UBR2: variants seen among roughly 807,000 people sequenced by gnomAD.
UBR2 encodes the protein E3 ubiquitin-protein ligase UBR2.
A neutral mutation model predicts 247.9 loss-of-function variants in UBR2; 92 were observed. The observed-to-expected ratio is 0.37, with a 90% CI of 0.31 to 0.44. UBR2 has a LOEUF of 0.44. UBR2 is among the 20% of genes least tolerant of loss of function. The pLI, the probability that UBR2 is intolerant of heterozygous loss-of-function variation, is 1.00. For synonymous variants in UBR2, 672 were observed against 693.5 expected (o/e 0.97, Z 0.49); for missense variants, 1,613 against 2,112.6 (o/e 0.76, Z 4.64).
chr6:42,652,423 A>G, intron 24 of UBR2, 68 bp from the exon 25 acceptor site: 1 of 1,483,884 alleles, frequency 6.7e-7, no homozygotes, highest in Non-Finnish European at 9.1e-7. Context: ...AACTATCAAA[A>G]GTAACAAAGA....
chr6:42,606,613 G>C lies in UBR2; in HGVS notation c.826G>C (p.Asp276His), dbSNP rs764061601. Residue 276 changes from aspartate to histidine, a missense_variant, in exon 7 of 47, where the codon GAT becomes CAT. Transcript: ENST00000372901. ...RDGRRSVRYG[D>H]FQYCEQAKSV... is the part of the protein sequence containing the mutation. The stretch of plus-strand genomic sequence containing the variant: ...GGGGCGTAGGTCTGTTCGATATGGA[G>C]ATTTTCAGTATTGTGAGCAAGCAAA... 1 of 1,609,134 alleles carries C rather than the reference G, an allele frequency of 6.2e-7. No individual in the cohort carries two copies. The highest frequency in any genetic ancestry group is 1.7e-5 in the Admixed American group (1 of 59,262).
intron 2 of UBR2, among the ~76,000 whole-genome samples, chr6:42,577,525 T>C (rs1791601904): frequency 6.8e-6 from 1 of 147,188 alleles, no homozygotes; most frequent in Non-Finnish European, 1.5e-5. Flanking sequence ...CGTTATTAAA[T>C]AGAAATGGTT....
intron 23 of UBR2, among the ~76,000 whole-genome samples, chr6:42,651,222 C>CAA (rs78106945): frequency 2.7e-5 from 3 of 111,680 alleles, no homozygotes; most frequent in Non-Finnish European, 3.8e-5. Context: ...GACCGTATCT[C>CAA]AAAAAAAAAA....
At chr6:42,571,339 C>A (rs991463318) in intron 1 of UBR2, among the ~76,000 whole-genome samples, 1 of 146,748 alleles carries the variant, frequency 6.8e-6, no homozygotes, top group South Asian at 2.2e-4. Flanking sequence ...GGAATGGGAA[C>A]ATAAAATATA....
chr6:42,679,716 A>G lies in UBR2; in HGVS notation c.4610-8A>G. The G allele has an allele frequency of 6.3e-7, 1 of 1,598,734 alleles. No individual in the cohort carries two copies. Among genetic ancestry groups the G allele is most frequent in the Non-Finnish European group, 8.6e-7 (1 of 1,166,878 alleles). On this transcript the variant is annotated splice_region_variant and splice_polypyrimidine_tract_variant and intron_variant, in intron 41 of 46. Coordinates refer to ENST00000372901, the MANE Select transcript of UBR2 (RefSeq NM_001363705.2). Reference sequence around the variant, plus strand: ...TATATGCACTCTTTTCTTGTTCTTCATTTGCAGTTCCTGGAACAAGCCATT... The same window carrying G: ...TATATGCACTCTTTTCTTGTTCTTCGTTTGCAGTTCCTGGAACAAGCCATT...
chr6:42,637,224 A>C (rs766490792), intron 15 of UBR2, 30 bp downstream of exon 15: 1 of 1,589,546 alleles, frequency 6.3e-7, no homozygotes, highest in Non-Finnish European at 8.6e-7. Context: ...ATAAAACCCT[A>C]AAATTATCTT....
intron 44 of UBR2, among the ~76,000 whole-genome samples, chr6:42,685,925 C>T (rs984182403): frequency 1.3e-5 from 2 of 151,952 alleles, no homozygotes; most frequent in African/African-American, 4.8e-5. Flanking sequence ...ATTACCTAGA[C>T]AGTTGAAGCT....
intron 21 of UBR2, among the ~76,000 whole-genome samples, chr6:42,646,046 A>G (rs1405228575): frequency 6.6e-6 from 1 of 152,162 alleles, no homozygotes; most frequent in Non-Finnish European, 1.5e-5. Context: ...CTTAATGACG[A>G]GCCCTTGTTT....
intron 31 of UBR2, 74 bp from the exon 32 acceptor site, chr6:42,663,184 A>C: frequency 8.2e-7 from 1 of 1,224,596 alleles, no homozygotes; most frequent in Non-Finnish European, 1.1e-6. Flanking sequence ...AAATTATTTT[A>C]AATGTTGAAG....
At chr6:42,630,096 A>G (rs1487944089) in intron 11 of UBR2, among the ~76,000 whole-genome samples, 1 of 151,606 alleles carries the variant, frequency 6.6e-6, no homozygotes, top group Non-Finnish European at 1.5e-5. Context: ...GTAATGAACC[A>G]TCGTAGTAGT....
At chr6:42,653,225 C>T (rs1387324719) in intron 25 of UBR2, among the ~76,000 whole-genome samples, 1 of 152,116 alleles carries the variant, frequency 6.6e-6, no homozygotes, top group Non-Finnish European at 1.5e-5. Flanking sequence ...CCTGGGATTA[C>T]AGGCATGCAT....
chr6:42,591,627 T>C (rs1792670006), intron 2 of UBR2, among the ~76,000 whole-genome samples: 3 of 152,188 alleles, frequency 2.0e-5, no homozygotes, highest in African/African-American at 7.2e-5. Flanking sequence ...CTATAGAAGG[T>C]TTAATTTCCC....
chr6:42,638,578 G>T (rs1005611640), intron 15 of UBR2, among the ~76,000 whole-genome samples: 39 of 152,098 alleles, frequency 2.6e-4, no homozygotes, highest in African/African-American at 8.7e-4. Flanking sequence ...TCTATAACTT[G>T]TTCAGGCCCA....
chr6:42,651,019 C>T (rs770949801), intron 23 of UBR2, among the ~76,000 whole-genome samples: 2 of 151,866 alleles, frequency 1.3e-5, no homozygotes, highest in Non-Finnish European at 2.9e-5. Context: ...CTCAGGAGTT[C>T]GAGATCAGCC....
chr6:42,599,571 T>A (rs1793222253), intron 4 of UBR2, among the ~76,000 whole-genome samples: 1 of 152,198 alleles, frequency 6.6e-6, no homozygotes, highest in Non-Finnish European at 1.5e-5. Flanking sequence ...TAAAAAGCAT[T>A]TTTAGCAGAA....
rs946463604 is a variant in UBR2 at position 42,679,792 on chromosome 6, T to C, written c.4678T>C (p.Phe1560Leu). The C allele has an allele frequency of 8.7e-6, 14 of 1,613,300 alleles. No individual in the cohort carries two copies. Among genetic ancestry groups the C allele is most frequent in the Non-Finnish European group, 1.2e-5 (14 of 1,179,606 alleles). ...CCTACCAAACAACCTCATTTGCCTT[T>C]TTCAAGAAAATAGTGAGATAATGAA... Reference protein sequence around the residue: ...LSLPNNLICLFQENSEIMNSL... With the variant: ...LSLPNNLICLLQENSEIMNSL... The change falls in exon 42 of 47, where the codon TTT becomes CTT. Residue 1560 changes from phenylalanine to leucine, a missense_variant. Phe to Leu is a conservative substitution (Grantham distance 22, BLOSUM62 0). This residue lies in a region of UBR2 where 1,524 missense variants were observed against 1,967.3 expected (regional missense o/e 0.77). Coordinates refer to ENST00000372901, the MANE Select transcript of UBR2 (RefSeq NM_001363705.2).
intron 39 of UBR2, 60 bp downstream of exon 39, chr6:42,676,251 A>G: frequency 6.7e-7 from 1 of 1,488,564 alleles, no homozygotes; most frequent in Non-Finnish European, 8.9e-7. Flanking sequence ...TGAGTTTTAA[A>G]AAAAGTATTA....
At chr6:42,686,419 C>A (rs1251863617) in intron 44 of UBR2, among the ~76,000 whole-genome samples, 3 of 151,706 alleles carry the variant, frequency 2.0e-5, no homozygotes, top group African/African-American at 4.8e-5. Context: ...TTAACAGCAT[C>A]CCAAGGCAGA....
At chr6:42,564,547 G>A (rs947823739) in intron 1 of UBR2, 150 bp downstream of exon 1, 8 of 825,782 alleles carry the variant, frequency 9.7e-6, no homozygotes, top group African/African-American at 8.8e-5. Context: ...AGCCCGGGGA[G>A]GCCACCGATC....
Sources: gnomAD v4.1 joint callset for allele counts (sites outside exome capture counted in the v4.1 genomes callset) on GRCh38, gnomAD v4.1.1 for gene constraint, gnomAD v4.1.1 regional missense constraint, MANE v1.5 for transcripts, NCBI Gene and HGNC (gene_info 2026-07-23, HGNC 2026-07-21) for gene names.